AKAP4: variants seen among roughly 807,000 people sequenced by gnomAD.
AKAP4 encodes A-kinase anchoring protein 4.
Under a neutral mutation model 42.6 loss-of-function variants are expected in AKAP4, and 4 were observed. The ratio of observed to expected loss-of-function variants is 0.09; its 90% confidence interval spans 0.05 to 0.22. The LOEUF (loss-of-function observed/expected upper bound fraction) is 0.22. Among genes scored for constraint, AKAP4 ranks in the 10% least tolerant of loss-of-function variants. The pLI, the probability that AKAP4 is intolerant of heterozygous loss-of-function variation, is 1.00. For synonymous variants in AKAP4, 223 were observed against 233.0 expected, an observed-to-expected ratio of 0.96 and a Z score of 0.39; for missense variants, 551 against 630.7, an observed-to-expected ratio of 0.87 and a Z score of 1.35.
chrX:50,200,661 C>T (rs1454062563), intron 1 of AKAP4, among the ~76,000 whole-genome samples: 1 of 111,940 alleles, frequency 8.9e-6, no homozygotes, highest in African/African-American at 3.2e-5. Flanking sequence ...CTAATCATAC[C>T]CCTACTAGAG....
rs1935258695 is a variant in AKAP4 at position 50,200,984 on chromosome X, T to C, written c.-95A>G. The C allele has an allele frequency of 2.2e-6, 2 of 891,806 alleles. No homozygotes were observed. Among genetic ancestry groups the C allele is most frequent in the Admixed American group, 4.4e-5 (2 of 45,252 alleles). The allele number at this position is 891,806 out of a possible 1,213,427, so 73.5% of individuals were successfully genotyped here. On this transcript the variant is annotated 5_prime_UTR_variant, in exon 1 of 6. It removes an upstream start codon present in the reference 5' UTR. Transcript: ENST00000358526. ...TACTGCTTTTTTCTTCAACTCTCCA[T>C]GCCCTCCTACAGCCTTGACTGCCAG...
intron 4 of AKAP4, among the ~76,000 whole-genome samples, chrX:50,196,630 C>T (rs916412998): frequency 9.0e-6 from 1 of 111,360 alleles, no homozygotes; most frequent in African/African-American, 3.3e-5. Context: ...TACAAATAGT[C>T]TTGTGTGATT....
At position 50,190,805 on chromosome X, in the gene AKAP4, G is replaced by T; in HGVS notation, c.*155C>A. 2.0e-6 allele frequency: 1 copy of T among 488,549 alleles called. No individual in the cohort carries two copies. The highest frequency in any genetic ancestry group is 3.2e-6 in the Non-Finnish European group (1 of 313,457). The allele number at this position is 488,549 out of a possible 1,213,427, so 40.3% of individuals were successfully genotyped here. A position where few individuals can be genotyped will look rare whatever the true frequency, so the allele number is the denominator to read the frequency against. ...TTATTTTTTTTTATTTTATTTCCCA[G>T]TTTGTTGACACCTCTTACATTCACA... is the stretch of plus-strand genomic sequence containing the variant. On this transcript the variant is annotated 3_prime_UTR_variant, in exon 6 of 6. Coordinates refer to ENST00000358526, the MANE Select transcript of AKAP4 (RefSeq NM_003886.3).
At chrX:50,196,270 T>C (rs1187239868) in intron 4 of AKAP4, among the ~76,000 whole-genome samples, 4 of 111,624 alleles carry the variant, frequency 3.6e-5, no homozygotes, top group African/African-American at 1.3e-4. Flanking sequence ...TTCCTCTGCA[T>C]TAAAGTCAAA....
chrX:50,196,312 T>C (rs936011793), intron 4 of AKAP4, among the ~76,000 whole-genome samples: 2 of 111,580 alleles, frequency 1.8e-5, no homozygotes, highest in Non-Finnish European at 3.8e-5. Flanking sequence ...ACTCCAGGCT[T>C]GTAGGTATGA....
At position 50,191,147 on chromosome X, in the gene AKAP4, G is replaced by A. The variant is rs781928751; in HGVS notation, c.2410-32C>T. ...GGAAAACAGAGCTAGTGTGAGTTGC[G>A]TGATGCTTTTTGGAGGAAAGACCTG... On this transcript the variant is annotated intron_variant, in intron 5 of 5. Coordinates refer to ENST00000358526, the MANE Select transcript of AKAP4 (RefSeq NM_003886.3). The A allele has an allele frequency of 1.6e-5, 19 of 1,194,913 alleles. No homozygotes were observed. The Admixed American group carries it at 2.5e-4, about 15-fold the overall frequency.
chrX:50,193,641 C>T lies in AKAP4; in HGVS notation c.1072G>A (p.Gly358Arg), dbSNP rs1557204014. Reference sequence around the variant, plus strand: ...ACCACAGATGCTGGAATTGGCTTCCCAGAGCTGTGCACTTTCAAGGTCTTC... The same window carrying T: ...ACCACAGATGCTGGAATTGGCTTCCTAGAGCTGTGCACTTTCAAGGTCTTC... ...LMKTLKVHSS[G>R]KPIPASVVLK... Residue 358 changes from glycine to arginine, a missense_variant, in exon 5 of 6, where the codon GGG becomes AGG. By Grantham distance (125) the Gly-to-Arg change is moderately radical (BLOSUM62 -2). Transcript: ENST00000358526. 2.5e-6 allele frequency: 3 copies of T among 1,211,650 alleles called. No homozygotes were observed. The highest frequency in any genetic ancestry group is 1.7e-5 in the African/African-American group (1 of 57,859).
chrX:50,199,230 A>G (rs1016225049), intron 1 of AKAP4, among the ~76,000 whole-genome samples: 4 of 111,703 alleles, frequency 3.6e-5, no homozygotes, highest in African/African-American at 6.5e-5. Flanking sequence ...CACTAAAGAA[A>G]GTGAAATTAG....
Position 50,193,807 on chromosome X carries a change from T to C in AKAP4, c.906A>G (p.Leu302=), listed in dbSNP as rs145764953. The part of the protein sequence containing the change: ...ESREGGQKSF[L]YSELSNKSKS... ...TGCTCTTGTTGGATAATTCGCTATA[T>C]AGAAAGCTTTTCTGGCCACCTTCCC... Residue 302 remains leucine, a synonymous_variant, in exon 5 of 6, where the codon CTA becomes CTG. Transcript: ENST00000358526. 7.4e-5 allele frequency: 89 copies of C among 1,209,506 alleles called. No homozygotes were observed. Among genetic ancestry groups the C allele is most frequent in the East Asian group, 5.9e-5 (2 of 33,761 alleles).
At chrX:50,199,649 T>A (rs1935235056) in intron 1 of AKAP4, among the ~76,000 whole-genome samples, 1 of 110,595 alleles carries the variant, frequency 9.0e-6, no homozygotes, top group African/African-American at 3.3e-5. Flanking sequence ...GTTTTTGGTA[T>A]CTGGGGCTTG....
At chrX:50,191,670 A>AGAGAG (rs1935113984) in intron 5 of AKAP4, among the ~76,000 whole-genome samples, 213 of 89,365 alleles carry the variant, frequency 2.4e-3, no homozygotes, top group Middle Eastern at 6.1e-3. Flanking sequence ...GAGAGAGAGA[A>AGAGAG]AGAGAGAGAG....
intron 5 of AKAP4, 134 bp downstream of exon 5, chrX:50,192,170 A>T: frequency 1.8e-6 from 1 of 570,350 alleles, no homozygotes; most frequent in Non-Finnish European, 2.6e-6. Flanking sequence ...TCTTTTTATG[A>T]GGTGAAAGTA....
At position 50,194,042 on chromosome X, in the gene AKAP4, A is replaced by C; in HGVS notation, c.671T>G (p.Leu224Arg). The part of the protein sequence containing the change: ...IDDLSFYVNR[L>R]SSLVIQMAHK... ...GGCCATCTGGATTACCAGAGAAGAT[A>C]GTCGGTTGACGTAGAAGGAAAGGTC... The change falls in exon 5 of 6, where the codon CTA becomes CGA. Residue 224 changes from leucine to arginine, a missense_variant. Transcript: ENST00000358526. The C allele has an allele frequency of 8.3e-7, 1 of 1,211,893 alleles. No individual in the cohort carries two copies. Among genetic ancestry groups the C allele is most frequent in the Non-Finnish European group, 1.1e-6 (1 of 895,533 alleles).
chrX:50,195,187 G>A (rs1013356190), intron 4 of AKAP4, among the ~76,000 whole-genome samples: 3 of 112,044 alleles, frequency 2.7e-5, no homozygotes, highest in East Asian at 5.6e-4. Context: ...ATGAATATGT[G>A]TAAACAGGTG....
intron 4 of AKAP4, among the ~76,000 whole-genome samples, chrX:50,196,059 A>G (rs1417960745): frequency 1.8e-5 from 2 of 112,153 alleles, no homozygotes; most frequent in Middle Eastern, 4.6e-3. Context: ...TTTTTCAAAA[A>G]TTAATGCCAG....
intron 2 of AKAP4, 23 bp downstream of exon 2, chrX:50,198,634 G>A: frequency 8.6e-7 from 1 of 1,166,778 alleles, no homozygotes; most frequent in Non-Finnish European, 1.2e-6. Flanking sequence ...CTACTCCTCG[G>A]CATGAGTCAT....
intron 1 of AKAP4, 53 bp downstream of exon 1, chrX:50,200,810 C>T: frequency 8.8e-7 from 1 of 1,136,039 alleles, no homozygotes; most frequent in Non-Finnish European, 1.2e-6. Flanking sequence ...GTAGTTTCAC[C>T]TCACCATTAA....
chrX:50,190,893 T>C lies in AKAP4; in HGVS notation c.*67A>G, dbSNP rs782188834. 8.6e-7 allele frequency: 1 copy of C among 1,165,396 alleles called. No homozygotes were observed. The highest frequency in any genetic ancestry group is 1.8e-5 in the African/African-American group (1 of 56,163). On this transcript the variant is annotated 3_prime_UTR_variant, in exon 6 of 6. Transcript: ENST00000358526. ...ATTGTGCAGTTGACTGGCCTGATGG[T>C]GGGGGTGCTCTGGCTGGGATGGAAT...
intron 3 of AKAP4, among the ~76,000 whole-genome samples, chrX:50,197,262 A>T (rs1230430808): frequency 1.8e-5 from 2 of 108,882 alleles, no homozygotes; most frequent in African/African-American, 3.3e-5. Context: ...TTTTTTTTTT[A>T]AATAAAAAAA....
Sources: allele counts gnomAD v4.1 joint callset (sites outside exome capture counted in the v4.1 genomes callset), GRCh38; gene constraint gnomAD v4.1.1; transcripts MANE v1.5; gene names NCBI Gene and HGNC (gene_info 2026-07-23, HGNC 2026-07-21).